YARS2: variants seen among roughly 807,000 people sequenced by gnomAD.
YARS2 encodes the protein tyrosine--tRNA ligase, mitochondrial.
YARS2 carries 38 observed loss-of-function variants against 45.0 expected under a neutral mutation model. The observed-to-expected ratio is 0.84, with a 90% CI of 0.65 to 1.11. The LOEUF is 1.11. Among genes scored for constraint, YARS2 ranks in the 50% least tolerant of loss-of-function variants. YARS2 has a pLI of 0.00. For synonymous variants in YARS2, 287 were observed against 245.1 expected, an observed-to-expected ratio of 1.17 and a Z score of -1.60; for missense variants, 602 against 599.8, an observed-to-expected ratio of 1.00 and a Z score of -0.04.
At chr12:32,749,061 T>G (rs1261658229) in intron 4 of YARS2, among the ~76,000 whole-genome samples, 1 of 152,236 alleles carries the variant, frequency 6.6e-6, no homozygotes, top group South Asian at 2.1e-4. Context: ...GAATAGAAAA[T>G]GCAATTCTCA....
intron 2 of YARS2, among the ~76,000 whole-genome samples, chr12:32,753,537 G>A (rs1394326861): frequency 6.6e-6 from 1 of 152,054 alleles, no homozygotes; most frequent in African/African-American, 2.4e-5. Context: ...TTGATTTAAG[G>A]AGAAATCATT....
At chr12:32,752,969 A>G (rs1256728627) in intron 2 of YARS2, among the ~76,000 whole-genome samples, 4 of 152,084 alleles carry the variant, frequency 2.6e-5, no homozygotes, top group Non-Finnish European at 5.9e-5. Context: ...AAGTTCCACA[A>G]AAAGCCGGTT....
chr12:32,749,183 A>C (rs1183008687), intron 4 of YARS2, among the ~76,000 whole-genome samples: 1 of 152,188 alleles, frequency 6.6e-6, no homozygotes, highest in Non-Finnish European at 1.5e-5. Context: ...AAATTCAGTT[A>C]ATACTATAGA....
chr12:32,750,998 G>C, intron 2 of YARS2, 124 bp from the exon 3 acceptor site: 1 of 1,102,790 alleles, frequency 9.1e-7, no homozygotes, highest in Admixed American at 2.1e-5. Flanking sequence ...GAAATGTACT[G>C]AACATAGTAG....
intron 2 of YARS2, 80 bp downstream of exon 2, chr12:32,753,838 A>C (rs1565559719): frequency 1.3e-6 from 2 of 1,574,184 alleles, no homozygotes; most frequent in East Asian, 2.2e-5. Context: ...AAAACTATAA[A>C]ATGTACATAG....
chr12:32,753,076 G>A (rs1193685743), intron 2 of YARS2, among the ~76,000 whole-genome samples: 1 of 152,142 alleles, frequency 6.6e-6, no homozygotes, highest in Non-Finnish European at 1.5e-5. Context: ...CACTTTGGGA[G>A]TCTGAGGCAG....
At chr12:32,755,042 C>T in intron 1 of YARS2, 54 bp downstream of exon 1, 2 of 1,606,090 alleles carry the variant, frequency 1.2e-6, no homozygotes, top group South Asian at 1.1e-5. Flanking sequence ...TCACAGGCTA[C>T]TAGTGTGTAA....
At chr12:32,749,483 A>G (rs1034391836) in intron 4 of YARS2, among the ~76,000 whole-genome samples, 2 of 152,238 alleles carry the variant, frequency 1.3e-5, no homozygotes, top group Non-Finnish European at 2.9e-5. Flanking sequence ...CTCAGGCTAT[A>G]CTTTATTCTT....
Position 32,747,109 on chromosome 12 carries a change from G to T in YARS2, c.*95C>A. The stretch of plus-strand genomic sequence containing the variant: ...CTAGTCCATTCTGTTTTTCTGATTT[G>T]CATAAGCAAAGGTCTAAGTTCTGGA... On this transcript the variant is annotated 3_prime_UTR_variant, in exon 5 of 5. Coordinates refer to ENST00000324868, the MANE Select transcript of YARS2 (RefSeq NM_001040436.3). 7.6e-7 allele frequency: 1 copy of T among 1,312,312 alleles called. No homozygotes were observed. The allele number at this position is 1,312,312 out of a possible 1,614,324, so 81.3% of individuals were successfully genotyped here. A position where few individuals can be genotyped will look rare whatever the true frequency, so the allele number is the denominator to read the frequency against.
rs370485234 is a variant in YARS2 at position 32,755,705 on chromosome 12, G to C, written c.170C>G (p.Thr57Arg). 12 of 1,614,116 alleles carry C rather than the reference G, an allele frequency of 7.4e-6. No homozygotes were observed. Residue 57 changes from threonine (T) to arginine (R), a missense_variant, in exon 1 of 5, where the codon ACG becomes AGG. Transcript: ENST00000324868. ...GAAGAGCTCTGGGAGCTCTATTTTCGTCCCCGTCTCCGGGAAGAAGTCCTT... is the reference window on the plus strand; with the variant it reads ...GAAGAGCTCTGGGAGCTCTATTTTCCTCCCCGTCTCCGGGAAGAAGTCCTT... ...LFKDFFPETG[T>R]KIELPELFDR...
Position 32,747,382 on chromosome 12 carries a change from TAGTA to T in YARS2, c.1275-23_1275-20del, listed in dbSNP as rs1565556085. 4 of 1,612,284 alleles carry T rather than the reference TAGTA, an allele frequency of 2.5e-6. No homozygotes were observed. The highest frequency in any genetic ancestry group is 2.2e-5 in the East Asian group (1 of 44,854). ...TCGATACCTAAAAAATAGAAACGTT[TAGTA>T]AGTAGAGAGATCCAATCACTGTTGA... On this transcript the variant is annotated intron_variant, in intron 4 of 4. Transcript: ENST00000324868.
In YARS2 at chr12:32,755,535, C is replaced by T; in HGVS notation, c.340G>A (p.Gly114Ser). ...GGGTCTCCCAGGCGCGCCGTGGCGC[C>T]TCCCACCAGCGCGATCACGTTGTGG... ...AGHNVIALVG[G>S]ATARLGDPSG... Residue 114 changes from glycine (G) to serine (S), a missense_variant, in exon 1 of 5, where the codon GGC becomes AGC. Transcript: ENST00000324868. The T allele has an allele frequency of 6.2e-7, 1 of 1,613,428 alleles. No homozygotes were observed. Among genetic ancestry groups the T allele is most frequent in the Non-Finnish European group, 8.5e-7 (1 of 1,179,806 alleles).
At chr12:32,754,716 T>C (rs942550734) in intron 1 of YARS2, among the ~76,000 whole-genome samples, 1 of 148,710 alleles carries the variant, frequency 6.7e-6, no homozygotes, top group African/African-American at 2.5e-5. Flanking sequence ...TTTCCCTTTT[T>C]TTTTTTTTTT....
At position 32,752,303 on chromosome 12, in the gene YARS2, T is replaced by C. The variant is rs181063488; in HGVS notation, c.948-1429A>G. Among the ~76,000 whole-genome samples the C allele has an allele frequency of 7.9e-5, 12 of 152,266 alleles. No individual in the cohort carries two copies. In the East Asian group the frequency reaches 2.3e-3, roughly 29 times the overall value. On this transcript the variant is annotated intron_variant, in intron 2 of 4. Transcript: ENST00000324868. ...TAAAACATCTATGTAACCATCACCA[T>C]GGTCAAGAAATACAGTATTGGGCCG...
intron 3 of YARS2, 130 bp from the exon 4 acceptor site, chr12:32,750,237 T>C (rs1224290990): frequency 1.9e-6 from 2 of 1,080,790 alleles, no homozygotes; most frequent in East Asian, 2.6e-5. Context: ...AGTCTCGCTC[T>C]GTTGCCCCGG....
rs777530297 is a variant in YARS2, at chr12:32,755,071, T to C, written c.779+25A>G. 3.1e-6 allele frequency: 5 copies of C among 1,614,130 alleles called. No individual in the cohort carries two copies. In the South Asian group the frequency reaches 5.5e-5, roughly 18 times the overall value. ...TGTGTAAATTATTTGGTCCCAGGAT[T>C]TCCCCAAGGTTTAAAGGCACTTACT... On this transcript the variant is annotated intron_variant, in intron 1 of 4. Transcript: ENST00000324868.
At chr12:32,751,938 T>G (rs1191248033) in intron 2 of YARS2, among the ~76,000 whole-genome samples, 2 of 152,216 alleles carry the variant, frequency 1.3e-5, no homozygotes, top group Admixed American at 1.3e-4. Context: ...TTTACTGTAC[T>G]TTTTCTATGT....
chr12:32,754,762 T>G lies in YARS2; in HGVS notation c.779+334A>C, dbSNP rs143330547. The stretch of plus-strand genomic sequence containing the variant: ...GGAGTCTCCCTCTGTTGCCCCAGGC[T>G]GGAGTGCAGTGGCGCGATCTCGGCT... On this transcript the variant is annotated intron_variant, in intron 1 of 4. Coordinates refer to ENST00000324868, the MANE Select transcript of YARS2 (RefSeq NM_001040436.3). 7.1e-3 allele frequency among the ~76,000 whole-genome samples: 1,040 copies of G among 146,464 alleles called. 12 individuals are homozygous for G. Among genetic ancestry groups the G allele is most frequent in the African/African-American group, 0.026 (1,007 of 38,914 alleles).
At position 32,753,986 on chromosome 12, in the gene YARS2, G is replaced by T; in HGVS notation, c.879C>A (p.Asn293Lys). ...GKSAGNAVWLNRDKTSPFELY... is the reference protein window; with the variant it reads ...GKSAGNAVWLKRDKTSPFELY... ...ATTCAAATGGAGATGTCTTATCTCT[G>T]TTTAGCCAAACAGCGTTGCCAGCAG... Residue 293 changes from asparagine to lysine, a missense_variant, in exon 2 of 5, where the codon AAC (asparagine) becomes AAA (lysine). Physicochemically the swap from Asn to Lys is moderately conservative, Grantham distance 94. Transcript: ENST00000324868. 6.2e-7 allele frequency: 1 copy of T among 1,614,202 alleles called. No homozygotes were observed. The highest frequency in any genetic ancestry group is 8.5e-7 in the Non-Finnish European group (1 of 1,180,038).
Sources: gnomAD v4.1 joint callset for allele counts (sites outside exome capture counted in the v4.1 genomes callset) on GRCh38, gnomAD v4.1.1 for gene constraint, MANE v1.5 for transcripts, NCBI Gene and HGNC (gene_info 2026-07-23, HGNC 2026-07-21) for gene names.